SNX29: variants seen among roughly 807,000 people sequenced by gnomAD.
The protein encoded by SNX29 is sorting nexin-29.
A neutral mutation model predicts 102.1 loss-of-function variants in SNX29; 78 were observed. The observed-to-expected ratio is 0.76, with a 90% confidence interval of 0.64 to 0.92. The LOEUF is 0.92. Among genes scored for constraint, SNX29 ranks in the 40% least tolerant of loss-of-function variants. SNX29 has a pLI of 0.00. For synonymous variants in SNX29, 580 were observed against 414.5 expected (o/e 1.40, Z -4.85); for missense variants, 1,280 against 1,061.7 (o/e 1.21, Z -2.86).
Position 12,242,369 on chromosome 16 carries a change from T to TATATA in SNX29, c.1679-35564_1679-35563insATATA, listed in dbSNP as rs1555496124. Among the ~76,000 whole-genome samples, 939 of 121,500 alleles carry TATATA rather than the reference T, an allele frequency of 7.7e-3. 8 individuals carry two copies. Among genetic ancestry groups the TATATA allele is most frequent in the African/African-American group, 0.028 (865 of 30,664 alleles). The allele number at this position is 121,500 out of a possible 152,430, so 79.7% of individuals were successfully genotyped here. On this transcript the variant is annotated intron_variant, in intron 14 of 20. Coordinates refer to ENST00000566228, the MANE Select transcript of SNX29 (RefSeq NM_032167.5). ...TATATAATAATATATATATATATAT[T>TATATA]TTTTTTTTTTTTTTAAGAAGAGGAG...
intron 19 of SNX29, among the ~76,000 whole-genome samples, chr16:12,519,391 C>A (rs139330916): frequency 1.3e-5 from 2 of 152,128 alleles, no homozygotes; most frequent in Admixed American, 1.3e-4. Flanking sequence ...TTTAAAATTC[C>A]AGAAGCAGCA....
Position 12,258,931 on chromosome 16 carries a change from A to G in SNX29, c.1679-19002A>G, listed in dbSNP as rs76966236. Among the ~76,000 whole-genome samples the G allele has an allele frequency of 3.0e-3, 461 of 152,152 alleles. 2 individuals carry two copies. Among genetic ancestry groups the G allele is most frequent in the African/African-American group, 0.011 (436 of 41,516 alleles). The stretch of plus-strand genomic sequence containing the variant: ...CGGAGGAGGACTTGTGTCTTGTGTC[A>G]TTCTCTCTCACTATGATAGCCTGGT... On this transcript the variant is annotated intron_variant, in intron 14 of 20. Coordinates refer to ENST00000566228, the MANE Select transcript of SNX29 (RefSeq NM_032167.5).
chr16:12,456,506 C>CAT (rs1555543125), intron 18 of SNX29, among the ~76,000 whole-genome samples: 40 of 148,948 alleles, frequency 2.7e-4, no homozygotes, highest in African/African-American at 8.8e-4. Context: ...CATGTGTGCA[C>CAT]GTGTGTGTGT....
chr16:12,114,484 C>T (rs2053616723), intron 11 of SNX29, among the ~76,000 whole-genome samples: 1 of 152,254 alleles, frequency 6.6e-6, no homozygotes, highest in African/African-American at 2.4e-5. Flanking sequence ...TCTGAGATCC[C>T]ATTCGGGAGA....
chr16:12,519,543 A>T (rs991705286), intron 19 of SNX29, among the ~76,000 whole-genome samples: 5 of 152,236 alleles, frequency 3.3e-5, no homozygotes, highest in African/African-American at 1.2e-4. Flanking sequence ...TACACACTGA[A>T]GTATTTAGGA....
At chr16:12,454,314 A>T (rs976814476) in intron 18 of SNX29, among the ~76,000 whole-genome samples, 4 of 152,224 alleles carry the variant, frequency 2.6e-5, no homozygotes, top group African/African-American at 9.6e-5. Flanking sequence ...GAGAGCAGCC[A>T]TCCCAATTCT....
At chr16:12,495,312 C>T (rs9928380) in intron 19 of SNX29, among the ~76,000 whole-genome samples, 3,961 of 152,108 alleles carry the variant, frequency 0.026, 174 homozygotes, top group African/African-American at 0.089. Context: ...CCACCACGTC[C>T]AGCTAGTTTA....
chr16:12,290,828 T>A (rs2079768611), intron 15 of SNX29, among the ~76,000 whole-genome samples: 1 of 152,110 alleles, frequency 6.6e-6, no homozygotes, highest in Non-Finnish European at 1.5e-5. Flanking sequence ...TGGTTCTTGC[T>A]CCCCTGCCAT....
intron 19 of SNX29, among the ~76,000 whole-genome samples, chr16:12,496,288 T>C (rs756542491): frequency 2.6e-5 from 4 of 152,178 alleles, no homozygotes; most frequent in Non-Finnish European, 5.9e-5. Flanking sequence ...AGTCAGGGGT[T>C]GTGTTTCCGT....
chr16:11,979,752 T>C, intron 1 of SNX29, among the ~76,000 whole-genome samples: 1 of 151,666 alleles, frequency 6.6e-6, no homozygotes. Flanking sequence ...CCCGGCTGAG[T>C]TTTGTATTTT....
intron 15 of SNX29, among the ~76,000 whole-genome samples, chr16:12,328,803 G>C (rs2081201718): frequency 6.6e-6 from 1 of 152,010 alleles, no homozygotes; most frequent in Non-Finnish European, 1.5e-5. Flanking sequence ...AAATGATTTA[G>C]GCAAAGATGG....
intron 18 of SNX29, among the ~76,000 whole-genome samples, chr16:12,476,421 T>TATATATATACAC (rs2087639179): frequency 3.8e-5 from 2 of 51,978 alleles, no homozygotes; most frequent in Non-Finnish European, 7.6e-5. Context: ...TACATATATA[T>TATATATATACAC]ATATATATAT....
intron 17 of SNX29, among the ~76,000 whole-genome samples, chr16:12,401,907 A>T (rs941282362): frequency 1.3e-5 from 2 of 152,188 alleles, no homozygotes. Context: ...ATGCACTGAA[A>T]GAGAGAACCA....
intron 5 of SNX29, among the ~76,000 whole-genome samples, chr16:12,044,357 C>T (rs2050004465): frequency 6.6e-6 from 1 of 152,112 alleles, no homozygotes; most frequent in Non-Finnish European, 1.5e-5. Context: ...TGGGATTGTG[C>T]ACTGGGGCTC....
chr16:12,119,562 C>A (rs920124327), intron 11 of SNX29, among the ~76,000 whole-genome samples: 2 of 152,202 alleles, frequency 1.3e-5, no homozygotes, highest in Admixed American at 1.3e-4. Flanking sequence ...AGTTCTAAAA[C>A]TGGAAAGGGC....
chr16:12,408,008 A>G (rs1387861532), intron 18 of SNX29, among the ~76,000 whole-genome samples: 1 of 152,120 alleles, frequency 6.6e-6, no homozygotes, highest in Non-Finnish European at 1.5e-5. Context: ...GAATGTAAAA[A>G]TTAACTGGGC....
chr16:11,984,831 T>A (rs1013902521), intron 1 of SNX29, among the ~76,000 whole-genome samples: 5 of 152,112 alleles, frequency 3.3e-5, no homozygotes, highest in African/African-American at 1.2e-4. Context: ...ACTTTTTCAT[T>A]TGGTGTAGAG....
chr16:12,516,897 C>T (rs1174721798), intron 19 of SNX29, among the ~76,000 whole-genome samples: 3 of 152,212 alleles, frequency 2.0e-5, no homozygotes, highest in South Asian at 4.1e-4. Context: ...CCAGGAGCCT[C>T]GTTGTCTTGT....
intron 18 of SNX29, among the ~76,000 whole-genome samples, chr16:12,470,129 A>G (rs2087264166): frequency 6.6e-6 from 1 of 152,258 alleles, no homozygotes; most frequent in Non-Finnish European, 1.5e-5. Flanking sequence ...TACGTCCAAG[A>G]AAGTTCCAGC....
Sources: gnomAD v4.1 joint callset for allele counts (sites outside exome capture counted in the v4.1 genomes callset) on GRCh38, gnomAD v4.1.1 for gene constraint, MANE v1.5 for transcripts, NCBI Gene and HGNC (gene_info 2026-07-23, HGNC 2026-07-21) for gene names.